The following CSRNP3 variants were observed in gnomAD, a reference collection of about 807,000 sequenced individuals.
The protein encoded by CSRNP3 is cysteine/serine-rich nuclear protein 3.
CSRNP3 carries 12 observed loss-of-function variants against 48.0 expected under a neutral mutation model. The observed-to-expected ratio is 0.25, with a 90% CI of 0.16 to 0.41. The LOEUF is 0.41. CSRNP3 is among the 10% of genes least tolerant of loss of function. The pLI, the probability that CSRNP3 is intolerant of heterozygous loss-of-function variation, is 1.00. For missense variants in CSRNP3, 580 were observed against 724.4 expected, an observed-to-expected ratio of 0.80 and a Z score of 2.29; for synonymous variants, 263 against 269.7, an observed-to-expected ratio of 0.98 and a Z score of 0.24.
intron 4 of CSRNP3, among the ~76,000 whole-genome samples, chr2:165,611,390 CAT>C (rs560832171): frequency 3.4e-4 from 38 of 111,540 alleles, no homozygotes; most frequent in Admixed American, 7.4e-4. Context: ...TATATACATA[CAT>C]ATATATATGT....
At chr2:165,598,623 G>A (rs574057477) in intron 4 of CSRNP3, among the ~76,000 whole-genome samples, 3 of 152,086 alleles carry the variant, frequency 2.0e-5, no homozygotes, top group Admixed American at 1.3e-4. Flanking sequence ...ATGTTCAGCC[G>A]AGATTATTTT....
chr2:165,611,889 A>G (rs1246408448), intron 4 of CSRNP3, among the ~76,000 whole-genome samples: 1 of 152,088 alleles, frequency 6.6e-6, no homozygotes, highest in Non-Finnish European at 1.5e-5. Context: ...TGATTTTAAC[A>G]TATGCGGAAT....
chr2:165,523,523 T>C (rs1378773354), intron 3 of CSRNP3, among the ~76,000 whole-genome samples: 3 of 152,204 alleles, frequency 2.0e-5, no homozygotes, highest in Non-Finnish European at 2.9e-5. Context: ...TAACAGAGCA[T>C]GCACTTTCTA....
intron 4 of CSRNP3, among the ~76,000 whole-genome samples, chr2:165,634,826 T>C (rs1401667872): frequency 1.3e-5 from 2 of 152,198 alleles, no homozygotes; most frequent in Admixed American, 1.3e-4. Flanking sequence ...CAGAGGAAAG[T>C]CATTCTCACA....
chr2:165,531,421 A>G (rs886783600), intron 3 of CSRNP3, among the ~76,000 whole-genome samples: 1 of 152,166 alleles, frequency 6.6e-6, no homozygotes, highest in Non-Finnish European at 1.5e-5. Flanking sequence ...TACACAGCTT[A>G]CAGGCTTGGC....
intron 2 of CSRNP3, among the ~76,000 whole-genome samples, chr2:165,507,938 T>C (rs892190851): frequency 4.6e-5 from 7 of 151,992 alleles, no homozygotes; most frequent in African/African-American, 1.7e-4. Flanking sequence ...AAGAGCTTAT[T>C]TGGGCATTCT....
chr2:165,679,463 G>A lies in CSRNP3; in HGVS notation c.1468G>A (p.Ala490Thr). The change falls in exon 7 of 7, where the codon GCC becomes ACC. Residue 490 changes from alanine (A) to threonine (T), a missense_variant. Around this residue, in one of 4 missense-constraint regions of CSRNP3, gnomAD observed 369 missense variants for 380.8 expected, o/e 0.97. Transcript: ENST00000651982. ...YARQAEEAYG[A>T]SHYPAANPSV... ...CCGACAAGCAGAAGAGGCCTATGGT[G>A]CCTCCCACTACCCAGCTGCCAACCC... is the stretch of plus-strand genomic sequence containing the variant. The A allele has an allele frequency of 6.2e-7, 1 of 1,613,286 alleles. No individual in the cohort carries two copies. The highest frequency in any genetic ancestry group is 8.5e-7 in the Non-Finnish European group (1 of 1,179,878).
chr2:165,601,344 T>C (rs1685911106), intron 4 of CSRNP3, among the ~76,000 whole-genome samples: 1 of 152,194 alleles, frequency 6.6e-6, no homozygotes, highest in Non-Finnish European at 1.5e-5. Context: ...AGGAACACAT[T>C]ATGTCTCTTG....
At chr2:165,625,999 G>C (rs1248501463) in intron 4 of CSRNP3, among the ~76,000 whole-genome samples, 1 of 151,696 alleles carries the variant, frequency 6.6e-6, no homozygotes, top group African/African-American at 2.4e-5. Flanking sequence ...GAGGTGGGTG[G>C]ATTGCCTGAG....
rs1194414513 is a variant in CSRNP3, at chr2:165,586,667, A to G, written c.-23-8376A>G. Reference sequence around the variant, plus strand: ...CTGTGGTCATTTCCTTATGATAGATAACAGAACAGGAAATAGGGGCAAAAT... The same window carrying G: ...CTGTGGTCATTTCCTTATGATAGATGACAGAACAGGAAATAGGGGCAAAAT... On this transcript the variant is annotated intron_variant, in intron 3 of 6. Transcript: ENST00000651982. Among the ~76,000 whole-genome samples, 4 of 152,220 alleles carry G rather than the reference A, an allele frequency of 2.6e-5. No homozygotes were observed. The East Asian group carries it at 7.7e-4, about 29-fold the overall frequency.
chr2:165,661,278 C>T lies in CSRNP3; in HGVS notation c.408+3258C>T, dbSNP rs1009292052. On this transcript the variant is annotated intron_variant, in intron 5 of 6. Coordinates refer to ENST00000651982, the MANE Select transcript of CSRNP3 (RefSeq NM_001172173.2). ...TGGAATTATCTCCTGATAAACCCAT[C>T]GTAAATTTAAAATATCATTAAGTTG... 3.9e-5 allele frequency among the ~76,000 whole-genome samples: 6 copies of T among 152,208 alleles called. No individual in the cohort carries two copies. The East Asian group carries it at 5.8e-4, about 15-fold the overall frequency.
chr2:165,581,993 A>G (rs1018557134), intron 3 of CSRNP3, among the ~76,000 whole-genome samples: 11 of 152,190 alleles, frequency 7.2e-5, no homozygotes, highest in Admixed American at 5.9e-4. Flanking sequence ...GTCTCCACAA[A>G]GTGTTTTATA....
At chr2:165,668,488 A>G (rs1392442134) in intron 5 of CSRNP3, among the ~76,000 whole-genome samples, 1 of 133,104 alleles carries the variant, frequency 7.5e-6, no homozygotes, top group African/African-American at 2.9e-5. Context: ...TGCAACCTCC[A>G]CCTCCTGGAT....
At chr2:165,605,523 G>A (rs950411649) in intron 4 of CSRNP3, among the ~76,000 whole-genome samples, 5 of 152,008 alleles carry the variant, frequency 3.3e-5, no homozygotes, top group Admixed American at 6.6e-5. Context: ...AAAATAGAGC[G>A]ATAGATGAAA....
intron 3 of CSRNP3, among the ~76,000 whole-genome samples, chr2:165,556,927 A>G (rs560901124): frequency 6.1e-4 from 93 of 152,336 alleles, no homozygotes; most frequent in Non-Finnish European, 1.0e-3. Flanking sequence ...TACCAGCTCT[A>G]ATTGACTAAC....
chr2:165,679,455 C>A lies in CSRNP3; in HGVS notation c.1460C>A (p.Ala487Asp). 2 of 1,613,232 alleles carry A rather than the reference C, an allele frequency of 1.2e-6. No homozygotes were observed. Among genetic ancestry groups the A allele is most frequent in the East Asian group, 2.2e-5 (1 of 44,712 alleles). Residue 487 changes from alanine to aspartate, a missense_variant, in exon 7 of 7, where the codon GCC becomes GAC. This residue lies in a region of CSRNP3 where 369 missense variants were observed against 380.8 expected (regional missense o/e 0.97). Transcript: ENST00000651982. ...GACTATGCCCGACAAGCAGAAGAGG[C>A]CTATGGTGCCTCCCACTACCCAGCT... ...FVDYARQAEE[A>D]YGASHYPAAN...
chr2:165,550,302 ACT>A (rs1281914081), intron 3 of CSRNP3, among the ~76,000 whole-genome samples: 3 of 152,284 alleles, frequency 2.0e-5, no homozygotes, highest in East Asian at 1.9e-4. Flanking sequence ...TATAAATAAG[ACT>A]CTATTTTAGA....
At chr2:165,536,005 G>T (rs1176597689) in intron 3 of CSRNP3, among the ~76,000 whole-genome samples, 1 of 151,724 alleles carries the variant, frequency 6.6e-6, no homozygotes, top group Non-Finnish European at 1.5e-5. Context: ...TAAAATCAGA[G>T]GTCATTCATC....
chr2:165,675,347 C>T (rs896394682), intron 5 of CSRNP3, among the ~76,000 whole-genome samples: 1 of 152,034 alleles, frequency 6.6e-6, no homozygotes, highest in East Asian at 1.9e-4. Flanking sequence ...TTAGAACTTC[C>T]ATGATTTTTC....
Sources: allele counts gnomAD v4.1 joint callset (sites outside exome capture counted in the v4.1 genomes callset), GRCh38; gene constraint gnomAD v4.1.1; regional missense constraint gnomAD v4.1.1; transcripts MANE v1.5; gene names NCBI Gene and HGNC (gene_info 2026-07-23, HGNC 2026-07-21).